Variants in PPP1R36 observed in about 807,000 individuals in gnomAD.
PPP1R36 encodes the protein chromosome 14 open reading frame 50.
In PPP1R36, 47 loss-of-function variants were observed where a neutral mutation model predicts 53.4. That is an observed-to-expected ratio of 0.88 (90% CI 0.70 to 1.12). The LOEUF (loss-of-function observed/expected upper bound fraction) is 1.12, where lower values mean the gene tolerates loss of function less well. Among genes scored for constraint, PPP1R36 ranks in the 50% most tolerant of loss-of-function variants. The pLI, the probability that PPP1R36 is intolerant of heterozygous loss-of-function variation, is 0.00. For missense variants in PPP1R36, 456 were observed against 513.9 expected, an observed-to-expected ratio of 0.89 and a Z score of 1.09; for synonymous variants, 153 against 170.5, an observed-to-expected ratio of 0.90 and a Z score of 0.80.
At chr14:64,554,295 G>A (rs543740375) in intron 3 of PPP1R36, among the ~76,000 whole-genome samples, 175 of 151,994 alleles carry the variant, frequency 1.2e-3, no homozygotes, top group Non-Finnish European at 8.8e-4. Flanking sequence ...GGGATTACTG[G>A]CATGTGCCAC....
At chr14:64,579,133 G>A (rs2080366379) in intron 8 of PPP1R36, among the ~76,000 whole-genome samples, 1 of 152,136 alleles carries the variant, frequency 6.6e-6, no homozygotes, top group Non-Finnish European at 1.5e-5. Flanking sequence ...GTAGGAGGAG[G>A]GAGAGGAGCA....
chr14:64,584,054 A>T (rs1400858867), intron 8 of PPP1R36, among the ~76,000 whole-genome samples: 2 of 151,780 alleles, frequency 1.3e-5, no homozygotes, highest in African/African-American at 4.8e-5. Flanking sequence ...GGCACCTGCC[A>T]CCACGCCCGG....
intron 8 of PPP1R36, among the ~76,000 whole-genome samples, chr14:64,579,204 A>G (rs1596744165): frequency 6.6e-6 from 1 of 152,086 alleles, no homozygotes; most frequent in Non-Finnish European, 1.5e-5. Context: ...ACGTACAACA[A>G]ACCCCCGTGA....
In PPP1R36 at chr14:64,577,718, CTTTTTTTTTTTTTT is replaced by C. The variant is rs10667127; in HGVS notation, c.668+3141_668+3154del. On this transcript the variant is annotated intron_variant, in intron 8 of 11. Coordinates refer to ENST00000298705, the MANE Select transcript of PPP1R36 (RefSeq NM_172365.3). The stretch of plus-strand genomic sequence containing the variant: ...TTTTTAAGCTTTGCTGCCATGATTA[CTTTTTTTTTTTTTT>C]TTTTTTTTTTTGAGATGGAATCTCA... Among the ~76,000 whole-genome samples the C allele has an allele frequency of 1.1e-4, 10 of 94,450 alleles. No homozygotes were observed. In the East Asian group the frequency reaches 3.3e-3, roughly 31 times the overall value. 62.0% of individuals were successfully genotyped at this position (94,450 alleles called of 152,430 possible).
In PPP1R36 at chr14:64,570,481, TA is replaced by T. The variant is rs534277558; in HGVS notation, c.533+2045del. 1.5e-3 allele frequency among the ~76,000 whole-genome samples: 225 copies of T among 145,952 alleles called. 1 individual carries two copies. Among genetic ancestry groups the T allele is most frequent in the African/African-American group, 4.2e-3 (168 of 39,996 alleles). On this transcript the variant is annotated intron_variant, in intron 7 of 11. Transcript: ENST00000298705. ...TGGGCGACAGAGCGAGACTCCGCCT[TA>T]AAAAAAAAAAGTATGGAGTTTATGG...
chr14:64,575,213 G>GT (rs1187704579), intron 8 of PPP1R36, among the ~76,000 whole-genome samples: 1 of 152,098 alleles, frequency 6.6e-6, no homozygotes, highest in Non-Finnish European at 1.5e-5. Flanking sequence ...AGCCAGAACA[G>GT]TTTTTTTCCC....
rs765543241 is a variant in PPP1R36 at position 64,589,254 on chromosome 14, G to A, written c.1185G>A (p.Leu395=). The A allele has an allele frequency of 2.5e-6, 4 of 1,613,860 alleles. No individual in the cohort carries two copies. In the Admixed American group the frequency reaches 6.7e-5, roughly 27 times the overall value. Residue 395 remains leucine, a synonymous_variant, in exon 12 of 12, where the codon TTG becomes TTA. Transcript: ENST00000298705. ...AATCATTTGGGAGATATCCTTCCTT[G>A]ATGGAAAACAATAACATGAGGATTC... ...NTKSFGRYPS[L]MENNNMRIQD...
intron 4 of PPP1R36, 69 bp from the exon 5 acceptor site, chr14:64,565,288 C>A: frequency 9.2e-7 from 1 of 1,081,830 alleles, no homozygotes; most frequent in Non-Finnish European, 1.4e-6. Flanking sequence ...GCTTCCTGCA[C>A]CTCAGGATAG....
intron 7 of PPP1R36, among the ~76,000 whole-genome samples, chr14:64,570,038 C>G (rs1296625713): frequency 2.0e-5 from 3 of 152,038 alleles, no homozygotes; most frequent in Non-Finnish European, 4.4e-5. Context: ...CGTGCCTGGC[C>G]TACTTTCTTA....
chr14:64,550,223 G>GGAA (rs34021921), intron 1 of PPP1R36, 157 bp downstream of exon 1: 683 of 1,191,538 alleles, frequency 5.7e-4, no homozygotes, highest in South Asian at 7.9e-4. Flanking sequence ...TATTTGCCTA[G>GGAA]AAAAAAAAAA....
At chr14:64,579,761 G>A (rs561603493) in intron 8 of PPP1R36, among the ~76,000 whole-genome samples, 43 of 149,590 alleles carry the variant, frequency 2.9e-4, no homozygotes, top group African/African-American at 8.9e-4. Context: ...ACGAGGTCAG[G>A]AGATCGAGAC....
chr14:64,587,457 T>A, intron 10 of PPP1R36, 85 bp downstream of exon 10: 2 of 495,872 alleles, frequency 4.0e-6, no homozygotes, highest in Non-Finnish European at 6.0e-6. Flanking sequence ...CCTTTTTTTT[T>A]TTTTTTTTTT....
intron 8 of PPP1R36, among the ~76,000 whole-genome samples, chr14:64,575,744 G>A (rs2080336612): frequency 6.6e-6 from 1 of 151,690 alleles, no homozygotes; most frequent in African/African-American, 2.4e-5. Context: ...CCCGCCTCCT[G>A]GGTTCACGCC....
chr14:64,564,782 GGAAA>G lies in PPP1R36; in HGVS notation c.220_223del (p.Lys74AlafsTer17). 3.7e-6 allele frequency: 6 copies of G among 1,610,426 alleles called. No individual in the cohort carries two copies. The highest frequency in any genetic ancestry group is 4.2e-6 in the Non-Finnish European group (5 of 1,178,796). On this transcript the variant is annotated frameshift_variant, in exon 4 of 12. Coordinates refer to ENST00000298705, the MANE Select transcript of PPP1R36 (RefSeq NM_172365.3). LOFTEE classifies it high-confidence loss of function. Reference sequence around the variant, plus strand: ...ACCTGCAGCAGAAGTCAAGGAAAAAGGAAAGAAAGGCAAAGCAGTTCACTTTGCA... The same window carrying G: ...ACCTGCAGCAGAAGTCAAGGAAAAAGGAAAGGCAAAGCAGTTCACTTTGCA...
intron 11 of PPP1R36, 73 bp from the exon 12 acceptor site, chr14:64,589,079 C>A: frequency 1.8e-6 from 2 of 1,108,772 alleles, no homozygotes; most frequent in Non-Finnish European, 2.7e-6. Flanking sequence ...CACACAACCA[C>A]AATCACAGTC....
chr14:64,570,924 A>G (rs972489853), intron 7 of PPP1R36, among the ~76,000 whole-genome samples: 6 of 152,236 alleles, frequency 3.9e-5, no homozygotes, highest in Non-Finnish European at 7.3e-5. Flanking sequence ...TACGTACCAT[A>G]CCTAGGAGAT....
At chr14:64,558,561 AGAGT>A (rs1409386755) in intron 3 of PPP1R36, among the ~76,000 whole-genome samples, 2 of 152,132 alleles carry the variant, frequency 1.3e-5, no homozygotes, top group Non-Finnish European at 2.9e-5. Flanking sequence ...TCTGGGCAAC[AGAGT>A]GAGACCCTGC....
At chr14:64,576,203 C>T (rs1039048997) in intron 8 of PPP1R36, among the ~76,000 whole-genome samples, 1 of 151,504 alleles carries the variant, frequency 6.6e-6, no homozygotes, top group Non-Finnish European at 1.5e-5. Context: ...GTCTCGGCCT[C>T]CCGAGTAGCT....
At chr14:64,561,786 A>G in intron 3 of PPP1R36, 1 of 456,018 alleles carries the variant, frequency 2.2e-6, no homozygotes. Context: ...TCTTGCTTCA[A>G]GTGCCCCTAT....
Sources: allele counts gnomAD v4.1 joint callset (sites outside exome capture counted in the v4.1 genomes callset), GRCh38; gene constraint gnomAD v4.1.1; transcripts MANE v1.5; gene names NCBI Gene and HGNC (gene_info 2026-07-23, HGNC 2026-07-21).